GAS7: variants seen among roughly 807,000 people sequenced by gnomAD.
GAS7 encodes growth arrest specific 7, also known as growth arrest-specific protein 7.
In GAS7, 28 loss-of-function variants were observed where a neutral mutation model predicts 71.1. The observed-to-expected ratio is 0.39, with a 90% CI of 0.29 to 0.54. The LOEUF (loss-of-function observed/expected upper bound fraction) is 0.54, where lower values mean the gene tolerates loss of function less well. Ranked by LOEUF, GAS7 falls within the 20% of genes least tolerant of loss-of-function variation. The pLI is 0.62. For synonymous variants in GAS7, 258 were observed against 245.8 expected (o/e 1.05, Z -0.46); for missense variants, 436 against 627.8 (o/e 0.69, Z 3.27).
intron 1 of GAS7, among the ~76,000 whole-genome samples, chr17:10,064,968 G>A (rs1026447892): frequency 6.6e-6 from 1 of 151,710 alleles, no homozygotes; most frequent in Non-Finnish European, 1.5e-5. Context: ...CTACAGGTGT[G>A]TGCCACCACA....
At chr17:10,038,504 A>G (rs2072800289) in intron 1 of GAS7, among the ~76,000 whole-genome samples, 1 of 152,242 alleles carries the variant, frequency 6.6e-6, no homozygotes, top group African/African-American at 2.4e-5. Flanking sequence ...AAAATTAAAC[A>G]AAGAATTGCC....
intron 1 of GAS7, among the ~76,000 whole-genome samples, chr17:10,057,731 C>T (rs1024353407): frequency 2.6e-5 from 4 of 152,218 alleles, no homozygotes; most frequent in African/African-American, 7.2e-5. Flanking sequence ...GCCTGGCCAC[C>T]GCCCCGTCTG....
At chr17:10,107,753 T>C (rs1467562448) in intron 1 of GAS7, among the ~76,000 whole-genome samples, 2 of 137,262 alleles carry the variant, frequency 1.5e-5, no homozygotes, top group Non-Finnish European at 3.1e-5. Context: ...CCACTGGTGG[T>C]GAGCTGGTTA....
At chr17:10,068,539 T>C (rs1020179422) in intron 1 of GAS7, among the ~76,000 whole-genome samples, 4 of 151,692 alleles carry the variant, frequency 2.6e-5, no homozygotes, top group African/African-American at 9.7e-5. Context: ...GAGGATCACT[T>C]GAGGCCAGGA....
chr17:9,997,320 C>G (rs2071088791), intron 2 of GAS7, among the ~76,000 whole-genome samples: 1 of 151,992 alleles, frequency 6.6e-6, no homozygotes, highest in African/African-American at 2.4e-5. Context: ...TGGTAAAGAC[C>G]TTTTAAAGTG....
In GAS7 at chr17:9,951,926, G is replaced by A. The variant is rs370141271; in HGVS notation, c.526-4943C>T. Among the ~76,000 whole-genome samples the A allele has an allele frequency of 7.9e-5, 12 of 152,102 alleles. No homozygotes were observed. In the East Asian group the frequency reaches 2.1e-3, roughly 27 times the overall value. On this transcript the variant is annotated intron_variant, in intron 5 of 13. Coordinates refer to ENST00000432992, the MANE Select transcript of GAS7 (RefSeq NM_201433.2). Reference sequence around the variant, plus strand: ...TTACCCTCAGAGTGAGGATGCCACCGTGCACCCCAGCAGGCCTGTGCAGAC... The same window carrying A: ...TTACCCTCAGAGTGAGGATGCCACCATGCACCCCAGCAGGCCTGTGCAGAC...
chr17:9,943,377 C>T, intron 6 of GAS7, 141 bp from the exon 7 acceptor site: 1 of 633,448 alleles, frequency 1.6e-6, no homozygotes, highest in Non-Finnish European at 2.9e-6. Context: ...GTCTCTGCTG[C>T]CCTAACTCGG....
chr17:9,996,162 T>C (rs963546513), intron 2 of GAS7, among the ~76,000 whole-genome samples: 3 of 152,128 alleles, frequency 2.0e-5, no homozygotes, highest in Non-Finnish European at 4.4e-5. Flanking sequence ...TAGCAAAGAC[T>C]TGGAACCAAG....
chr17:9,964,004 C>T (rs368384660), intron 4 of GAS7, among the ~76,000 whole-genome samples: 4 of 152,046 alleles, frequency 2.6e-5, no homozygotes, highest in Non-Finnish European at 4.4e-5. Context: ...GGCAGGTAAT[C>T]GTTGGGCTTA....
chr17:10,183,234 G>C (rs1239759323), intron 1 of GAS7, among the ~76,000 whole-genome samples: 1 of 151,958 alleles, frequency 6.6e-6, no homozygotes, highest in Admixed American at 6.6e-5. Context: ...CCCCACCCCA[G>C]ACCTACTGAA....
chr17:10,047,345 G>A (rs965033044), intron 1 of GAS7, among the ~76,000 whole-genome samples: 3 of 152,130 alleles, frequency 2.0e-5, no homozygotes, highest in South Asian at 2.1e-4. Context: ...AGGCCAATTC[G>A]AAAACAGAAA....
intron 2 of GAS7, among the ~76,000 whole-genome samples, chr17:9,983,330 A>T (rs1304256697): frequency 6.6e-6 from 1 of 152,044 alleles, no homozygotes; most frequent in African/African-American, 2.4e-5. Flanking sequence ...ATCTCCACCA[A>T]AAATACAAAA....
intron 9 of GAS7, among the ~76,000 whole-genome samples, chr17:9,932,473 G>A (rs1000034297): frequency 1.3e-5 from 2 of 152,214 alleles, no homozygotes; most frequent in East Asian, 1.9e-4. Context: ...GATTACAGGC[G>A]TGAGCCACCA....
At chr17:10,004,413 C>T (rs1339068358) in intron 2 of GAS7, among the ~76,000 whole-genome samples, 1 of 152,134 alleles carries the variant, frequency 6.6e-6, no homozygotes, top group African/African-American at 2.4e-5. Context: ...CCTTTAAAAG[C>T]TCACTCTGGT....
intron 1 of GAS7, among the ~76,000 whole-genome samples, chr17:10,168,271 C>T (rs921295994): frequency 4.6e-5 from 7 of 151,988 alleles, no homozygotes; most frequent in Non-Finnish European, 1.0e-4. Flanking sequence ...CTTCAAGATA[C>T]ATTATCAAGT....
rs972464805 is a variant in GAS7 at position 10,019,785 on chromosome 17, G to A, written c.296C>T (p.Thr99Ile). The A allele has an allele frequency of 6.2e-7, 1 of 1,613,738 alleles. No individual in the cohort carries two copies. The highest frequency in any genetic ancestry group is 8.5e-7 in the Non-Finnish European group (1 of 1,179,846). The part of the protein sequence containing the change: ...PQGRRYYVNT[T>I]TNETTWERPS... Reference sequence around the variant, plus strand: ...CCCCGAGCGGGACTCACCATTGGTGGTCGTGTTGACATAGTACCGCCGGCC... The same window carrying A: ...CCCCGAGCGGGACTCACCATTGGTGATCGTGTTGACATAGTACCGCCGGCC... The change falls in exon 2 of 14, where the codon ACC (threonine) becomes ATC (isoleucine). Residue 99 changes from threonine (T) to isoleucine (I), a missense_variant. By Grantham distance (89) the Thr-to-Ile change is moderately conservative. Coordinates refer to ENST00000432992, the MANE Select transcript of GAS7 (RefSeq NM_201433.2).
rs974396497 is a variant in GAS7, at chr17:9,974,156, T to C, written c.386-4394A>G. Among the ~76,000 whole-genome samples, 1 of 152,210 alleles carries C rather than the reference T, an allele frequency of 6.6e-6. No individual in the cohort carries two copies. The highest frequency in any genetic ancestry group is 2.4e-5 in the African/African-American group (1 of 41,442). ...AGCTGATGGCTAATTACTGCTCATG[T>C]CAAAACAATTACGAGGAAAGAAAAC... On this transcript the variant is annotated intron_variant, in intron 3 of 13. Coordinates refer to ENST00000432992, the MANE Select transcript of GAS7 (RefSeq NM_201433.2). This position sits in a 1 kb window ranked among gnomAD's most constrained non-coding sequence, Gnocchi z 4.0.
intron 5 of GAS7, among the ~76,000 whole-genome samples, chr17:9,950,786 G>A (rs1195917351): frequency 6.6e-6 from 1 of 152,080 alleles, no homozygotes; most frequent in Admixed American, 6.5e-5. Flanking sequence ...AACCCGGGAG[G>A]TGGAGGTTGC....
At chr17:9,982,209 C>T (rs2070437040) in intron 2 of GAS7, among the ~76,000 whole-genome samples, 1 of 152,138 alleles carries the variant, frequency 6.6e-6, no homozygotes, top group South Asian at 2.1e-4. Flanking sequence ...CAACCTGCCT[C>T]TTCATTCACC....
Sources: allele counts gnomAD v4.1 joint callset (sites outside exome capture counted in the v4.1 genomes callset), GRCh38; gene constraint gnomAD v4.1.1; non-coding constraint Gnocchi (gnomAD v3.1); transcripts MANE v1.5; gene names NCBI Gene and HGNC (gene_info 2026-07-23, HGNC 2026-07-21).